The following SEC16A variants were observed in gnomAD, a reference collection of about 807,000 sequenced individuals.
The protein encoded by SEC16A is SEC16 homolog A, endoplasmic reticulum export factor.
In SEC16A, 110 loss-of-function variants were observed where a neutral mutation model predicts 221.9. That is an observed-to-expected ratio of 0.50 (90% CI 0.42 to 0.58). SEC16A has a LOEUF of 0.58. Ranked by LOEUF, SEC16A falls within the 20% of genes least tolerant of loss-of-function variation. The pLI is 0.00. For synonymous variants in SEC16A, 1,393 were observed against 1,257.7 expected (o/e 1.11, Z -2.28); for missense variants, 3,165 against 3,097.8 (o/e 1.02, Z -0.52).
At chr9:136,458,059 C>T (rs1033630254) in intron 17 of SEC16A, among the ~76,000 whole-genome samples, 9 of 152,110 alleles carry the variant, frequency 5.9e-5, no homozygotes, top group Admixed American at 2.0e-4. Context: ...TGGGCTCAAG[C>T]AGTCCTCCCA....
intron 5 of SEC16A, 94 bp from the exon 6 acceptor site, chr9:136,467,177 T>C (rs1408998989): frequency 1.4e-6 from 2 of 1,464,644 alleles, no homozygotes; most frequent in Non-Finnish European, 1.9e-6. Context: ...CAGGACTTTA[T>C]GCTCCAAGGA....
chr9:136,448,116 C>G lies in SEC16A; in HGVS notation c.6358G>C (p.Glu2120Gln), dbSNP rs958197966. The change falls in exon 24 of 32, where the codon GAA becomes CAA. Residue 2120 changes from glutamate (E) to glutamine (Q), a missense_variant. Glu to Gln is a conservative substitution (Grantham distance 29). This residue lies in a region of SEC16A where 1,088 missense variants were observed against 1,089.6 expected (regional missense o/e 1.00). Coordinates refer to ENST00000684901, the MANE Select transcript of SEC16A (RefSeq NM_014866.2). Reference sequence around the variant, plus strand: ...TTCTTGTCATCTGGCAAATAAGCTTCTGTCTTTTTCTTTCCAGGTAGCCAA... The same window carrying G: ...TTCTTGTCATCTGGCAAATAAGCTTGTGTCTTTTTCTTTCCAGGTAGCCAA... ...FRWLPGKKKT[E>Q]AYLPDDKNKS... 5.6e-6 allele frequency: 9 copies of G among 1,613,484 alleles called. No homozygotes were observed. Among genetic ancestry groups the G allele is most frequent in the South Asian group, 2.2e-5 (2 of 91,056 alleles).
chr9:136,454,211 C>T lies in SEC16A; in HGVS notation c.5974G>A (p.Ala1992Thr). ...PGPGCVTPGP[A>T]LGFLEPSGPG... ...CCGGAGGGCTCCAGGAAGCCAAGTG[C>T]AGGCCCTGGGGTCACACAGCCAGGA... Residue 1992 changes from alanine to threonine, a missense_variant, in exon 21 of 32, where the codon GCA becomes ACA. Transcript: ENST00000684901. The T allele has an allele frequency of 6.4e-7, 1 of 1,565,800 alleles. No individual in the cohort carries two copies. Among genetic ancestry groups the T allele is most frequent in the Non-Finnish European group, 8.7e-7 (1 of 1,155,226 alleles).
At chr9:136,451,942 T>C (rs142600583) in intron 22 of SEC16A, among the ~76,000 whole-genome samples, 1 of 152,320 alleles carries the variant, frequency 6.6e-6, no homozygotes, top group East Asian at 1.9e-4. Context: ...GGGCTGGGTA[T>C]CTGTAAAGAA....
In SEC16A at chr9:136,468,532, T is replaced by C. The variant is rs374703613; in HGVS notation, c.3705-20A>G. ...CCTTGCCTGAAAAAACACACAGTGC[T>C]GTTAAAACACAAATTACCTATTTCT... On this transcript the variant is annotated intron_variant, in intron 4 of 31. Coordinates refer to ENST00000684901, the MANE Select transcript of SEC16A (RefSeq NM_014866.2). 17 of 1,465,810 alleles carry C rather than the reference T, an allele frequency of 1.2e-5. No homozygotes were observed. The highest frequency in any genetic ancestry group is 2.3e-5 in the South Asian group (2 of 87,636). 90.8% of individuals were successfully genotyped at this position (1,465,810 alleles called of 1,614,324 possible).
rs1252355416 is a variant in SEC16A at position 136,440,168 on chromosome 9, T to C, written c.*1587A>G. On this transcript the variant is annotated 3_prime_UTR_variant, in exon 32 of 32. Transcript: ENST00000684901. ...TGTAACAATTCTCATTTAGGAAAAA[T>C]AGCCGCTCCCGCCTGGAGGAAGCTT... The C allele has an allele frequency of 6.6e-6, 1 of 152,312 alleles. No homozygotes were observed. The highest frequency in any genetic ancestry group is 1.5e-5 in the Non-Finnish European group (1 of 68,018). 9.4% of individuals were successfully genotyped at this position (152,312 alleles called of 1,614,324 possible).
rs1205368851 is a variant in SEC16A at position 136,476,927 on chromosome 9, G to A, written c.689C>T (p.Ser230Leu). Residue 230 changes from serine to leucine, a missense_variant, in exon 3 of 32, where the codon TCA becomes TTA. Ser to Leu is a moderately radical substitution (Grantham distance 145, BLOSUM62 -2). Transcript: ENST00000684901. ...GGPQPSGQHR[S>L]PCPEGPVPSG... is the part of the protein sequence containing the mutation. ...GGGAACAGGTCCTTCAGGGCAGGGT[G>A]AACGATGTTGCCCCGAGGGCTGTGG... 17 of 1,612,142 alleles carry A rather than the reference G, an allele frequency of 1.1e-5. No individual in the cohort carries two copies. The highest frequency in any genetic ancestry group is 1.3e-5 in the African/African-American group (1 of 75,056).
In SEC16A at chr9:136,478,799, G is replaced by A. The variant is rs1034108706; in HGVS notation, c.-160C>T. Among the ~76,000 whole-genome samples, 5 of 151,504 alleles carry A rather than the reference G, an allele frequency of 3.3e-5. No homozygotes were observed. In the Middle Eastern group the frequency reaches 9.7e-3, roughly 293 times the overall value. On this transcript the variant is annotated 5_prime_UTR_variant, in exon 2 of 32. Coordinates refer to ENST00000684901, the MANE Select transcript of SEC16A (RefSeq NM_014866.2). ...CAGTGAGCTATGATTATACCACCGC[G>A]GTCCAGCCTGGGCAACAGAGCAAGA...
Position 136,477,699 on chromosome 9 carries a change from G to T in SEC16A, c.-69-15C>A. The T allele has an allele frequency of 2.8e-6, 4 of 1,445,282 alleles. No individual in the cohort carries two copies. Among genetic ancestry groups the T allele is most frequent in the Non-Finnish European group, 3.6e-6 (4 of 1,102,786 alleles). The allele number at this position is 1,445,282 out of a possible 1,614,324, so 89.5% of individuals were successfully genotyped here. The stretch of plus-strand genomic sequence containing the variant: ...CTTAATTGGAGCTGGAAAAGAAAAA[G>T]AGAAAATCAGCATAAAATCCATATA... On this transcript the variant is annotated splice_polypyrimidine_tract_variant and intron_variant, in intron 2 of 31. Transcript: ENST00000684901.
chr9:136,445,201 G>C, intron 29 of SEC16A, 90 bp from the exon 30 acceptor site: 8 of 1,067,240 alleles, frequency 7.5e-6, no homozygotes, highest in Non-Finnish European at 1.1e-5. Context: ...CATTTCAAAA[G>C]CTTTGTGATG....
At position 136,443,892 on chromosome 9, in the gene SEC16A, G is replaced by T. The variant is rs755304723; in HGVS notation, c.6936C>A (p.Gly2312=). The part of the protein sequence containing the change: ...EVSQHFNQAP[G]DLPAAGGPPS... The stretch of plus-strand genomic sequence containing the variant: ...GAGGGCCCCCTGCAGCAGGGAGGTC[G>T]CCAGGAGCCTGAGAAGCACAGAGAA... Residue 2312 remains glycine, a synonymous_variant, in exon 31 of 32, where the codon GGC becomes GGA. Transcript: ENST00000684901. 1.2e-6 allele frequency: 2 copies of T among 1,608,920 alleles called. No homozygotes were observed. Among genetic ancestry groups the T allele is most frequent in the Admixed American group, 1.7e-5 (1 of 59,054 alleles).
chr9:136,455,166 G>C (rs1838444975), intron 20 of SEC16A, among the ~76,000 whole-genome samples: 1 of 152,154 alleles, frequency 6.6e-6, no homozygotes, highest in South Asian at 2.1e-4. Context: ...AGAAGCGCGA[G>C]AGAGGAGGGG....
At chr9:136,473,944 C>G (rs757836538) in intron 3 of SEC16A, 105 bp downstream of exon 3, 2 of 1,306,022 alleles carry the variant, frequency 1.5e-6, no homozygotes, top group African/African-American at 3.0e-5. Context: ...GTGGGTGACC[C>G]CGGAACCAAG....
intron 21 of SEC16A, 129 bp downstream of exon 21, chr9:136,453,980 C>A: frequency 1.2e-6 from 1 of 868,754 alleles, no homozygotes; most frequent in Non-Finnish European, 1.8e-6. Flanking sequence ...TCCAGAATTT[C>A]TGGTCTACGT....
chr9:136,483,734 G>A (rs754357153), upstream of SEC16A: 261 of 985,322 alleles, frequency 2.6e-4, 1 homozygote, highest in Non-Finnish European at 3.0e-4. Flanking sequence ...AGAAGCGCGG[G>A]GCCCTGACGC....
chr9:136,445,580 C>T (rs1446880403), intron 29 of SEC16A, 65 bp downstream of exon 29: 23 of 1,236,126 alleles, frequency 1.9e-5, no homozygotes, highest in South Asian at 1.2e-4. Context: ...AAGGAAGAGG[C>T]GCCTGGACAG....
Position 136,441,717 on chromosome 9 carries a change from C to G in SEC16A, c.*38G>C. 1 of 1,596,004 alleles carries G rather than the reference C, an allele frequency of 6.3e-7. No homozygotes were observed. Among genetic ancestry groups the G allele is most frequent in the Non-Finnish European group, 8.6e-7 (1 of 1,164,342 alleles). On this transcript the variant is annotated 3_prime_UTR_variant, in exon 32 of 32. Transcript: ENST00000684901. The stretch of plus-strand genomic sequence containing the variant: ...TCGGGTTCTTCGGGGAGAACAGCAG[C>G]GTCAGGGCTCCAAGTGCAAGTTCAC...
intron 22 of SEC16A, among the ~76,000 whole-genome samples, chr9:136,452,317 G>C (rs772043795): frequency 6.6e-5 from 10 of 151,332 alleles, no homozygotes; most frequent in Admixed American, 1.3e-4. Context: ...TGGGTGTGGT[G>C]GTGGGCGCCT....
In SEC16A at chr9:136,453,492, G is replaced by A. The variant is rs1364019605; in HGVS notation, c.6095C>T (p.Ala2032Val). The change falls in exon 22 of 32, where the codon GCG becomes GTG. Residue 2032 changes from alanine (A) to valine (V), a missense_variant. By Grantham distance (64) the Ala-to-Val change is moderately conservative. Coordinates refer to ENST00000684901, the MANE Select transcript of SEC16A (RefSeq NM_014866.2). ...CTCGGAAAGTGAGTTTCCAACAGGC[G>A]CCTCCTGCGGCACTATCCCTGTCAA... ...SPDPGIVPQE[A>V]PVGNSLSELS... The A allele has an allele frequency of 6.2e-6, 10 of 1,613,136 alleles. No homozygotes were observed. Among genetic ancestry groups the A allele is most frequent in the Admixed American group, 1.7e-5 (1 of 60,018 alleles).
Sources: allele counts gnomAD v4.1 joint callset (sites outside exome capture counted in the v4.1 genomes callset), GRCh38; gene constraint gnomAD v4.1.1; regional missense constraint gnomAD v4.1.1; transcripts MANE v1.5; gene names NCBI Gene and HGNC (gene_info 2026-07-23, HGNC 2026-07-21).